Variants in SEC31A observed in about 807,000 individuals in gnomAD.
The protein encoded by SEC31A is SEC31 homolog A, COPII component, also known as protein transport protein Sec31A.
Under a neutral mutation model 151.0 loss-of-function variants are expected in SEC31A, and 70 were observed. That is an observed-to-expected ratio of 0.46 (90% CI 0.38 to 0.57). The LOEUF is 0.57. Among genes scored for constraint, SEC31A ranks in the 20% least tolerant of loss-of-function variants. The pLI, the probability that SEC31A is intolerant of heterozygous loss-of-function variation, is 0.00. For missense variants in SEC31A, 1,330 were observed against 1,471.2 expected (o/e 0.90, Z 1.57); for synonymous variants, 475 against 505.9 (o/e 0.94, Z 0.82).
At chr4:82,870,122 T>C (rs1736318904) in intron 8 of SEC31A, among the ~76,000 whole-genome samples, 1 of 152,224 alleles carries the variant, frequency 6.6e-6, no homozygotes, top group African/African-American at 2.4e-5. Context: ...AAATATACTA[T>C]TTGAATTACT....
intron 24 of SEC31A, 29 bp from the exon 25 acceptor site, chr4:82,824,703 G>GA (rs1560580255): frequency 6.2e-7 from 1 of 1,606,030 alleles, no homozygotes; most frequent in Non-Finnish European, 8.5e-7. Flanking sequence ...AAACTGATCA[G>GA]AAATGACCAG....
intron 23 of SEC31A, 24 bp downstream of exon 23, chr4:82,828,976 T>C: frequency 6.2e-7 from 1 of 1,603,268 alleles, no homozygotes; most frequent in Non-Finnish European, 8.5e-7. Context: ...TGTAGGCCAT[T>C]GGATGGACAT....
chr4:82,897,646 G>C (rs1483094000), intron 3 of SEC31A: 1 of 152,132 alleles, frequency 6.6e-6, no homozygotes, highest in African/African-American at 2.4e-5. Flanking sequence ...AGCTGAGGTG[G>C]GAAGATTGCT....
chr4:82,849,629 A>AC (rs1216488911), intron 19 of SEC31A, among the ~76,000 whole-genome samples: 2 of 151,344 alleles, frequency 1.3e-5, no homozygotes, highest in Non-Finnish European at 2.9e-5. Context: ...AAAAAAAAAA[A>AC]AACTATAACT....
At chr4:82,860,807 C>T (rs1013368447) in intron 14 of SEC31A, among the ~76,000 whole-genome samples, 1 of 152,034 alleles carries the variant, frequency 6.6e-6, no homozygotes, top group African/African-American at 2.4e-5. Flanking sequence ...AGATTTTATC[C>T]ATATCCTTTA....
At chr4:82,898,415 G>A (rs527429105) in intron 3 of SEC31A, among the ~76,000 whole-genome samples, 13 of 152,256 alleles carry the variant, frequency 8.5e-5, no homozygotes, top group African/African-American at 3.1e-4. Flanking sequence ...TAAATATCTA[G>A]AGCAGTGACC....
chr4:82,823,367 C>T (rs1252367019), intron 25 of SEC31A, among the ~76,000 whole-genome samples: 2 of 152,184 alleles, frequency 1.3e-5, no homozygotes, highest in Admixed American at 6.5e-5. Context: ...TTATCAGCTT[C>T]GTCTGCTCTC....
At chr4:82,875,242 A>T (rs1737641301) in intron 5 of SEC31A, among the ~76,000 whole-genome samples, 1 of 152,192 alleles carries the variant, frequency 6.6e-6, no homozygotes, top group Non-Finnish European at 1.5e-5. Flanking sequence ...TAGCCTATAC[A>T]ACATAAAGAA....
Position 82,827,532 on chromosome 4 carries a change from G to A in SEC31A, c.3128C>T (p.Pro1043Leu), listed in dbSNP as rs1724878311. The change falls in exon 24 of 27, where the codon CCA becomes CTA. Residue 1043 changes from proline (P) to leucine (L), a missense_variant. Coordinates refer to ENST00000395310, the MANE Select transcript of SEC31A (RefSeq NM_001077207.4). The stretch of plus-strand genomic sequence containing the variant: ...TGAAGACTGGCTTGACAGTGGTACT[G>A]GAGCTGAAGGCTGTTGCTGCAGCAT... ...SQMLQQQPSAPVPLSSQSSFP... is the reference protein window; with the variant it reads ...SQMLQQQPSALVPLSSQSSFP... 1.9e-6 allele frequency: 3 copies of A among 1,614,224 alleles called. No homozygotes were observed. Among genetic ancestry groups the A allele is most frequent in the Non-Finnish European group, 2.5e-6 (3 of 1,180,042 alleles).
chr4:82,874,474 C>T, intron 6 of SEC31A, 137 bp downstream of exon 6: 1 of 787,662 alleles, frequency 1.3e-6, no homozygotes, highest in Non-Finnish European at 1.9e-6. Flanking sequence ...CAAAACATTC[C>T]TTCTAACATG....
At position 82,844,424 on chromosome 4, in the gene SEC31A, T is replaced by G. The variant is rs200331797; in HGVS notation, c.2588A>C (p.His863Pro). 9 of 1,614,072 alleles carry G rather than the reference T, an allele frequency of 5.6e-6. No individual in the cohort carries two copies. In the South Asian group the frequency reaches 9.9e-5, roughly 18 times the overall value. ...ATAAGGTGGTACCTGGGTGTGCATA[T>G]GACCTGGAGATGTGGGAAGCTGACC... ...AAGQLPTSPG[H>P]MHTQVPPYPQ... Residue 863 changes from histidine (H) to proline (P), a missense_variant, in exon 21 of 27, where the codon CAT becomes CCT. Transcript: ENST00000395310.
intron 1 of SEC31A, among the ~76,000 whole-genome samples, chr4:82,886,626 C>T (rs1740774231): frequency 6.6e-6 from 1 of 152,116 alleles, no homozygotes; most frequent in Non-Finnish European, 1.5e-5. Context: ...CCTCTTCTTC[C>T]TCTTTGCCAA....
chr4:82,858,683 A>G (rs940282560), intron 14 of SEC31A, among the ~76,000 whole-genome samples: 4 of 149,694 alleles, frequency 2.7e-5, no homozygotes, highest in Non-Finnish European at 4.4e-5. Flanking sequence ...TATGGAAAAT[A>G]TATTATTTAT....
intron 14 of SEC31A, 57 bp from the exon 15 acceptor site, chr4:82,857,821 T>G: frequency 9.0e-7 from 1 of 1,116,864 alleles, no homozygotes. Flanking sequence ...AATGATTTAC[T>G]GACAAAAAAA....
At chr4:82,899,889 C>T (rs572277388) in intron 2 of SEC31A, 7 of 152,694 alleles carry the variant, frequency 4.6e-5, no homozygotes, top group African/African-American at 1.7e-4. Context: ...GAGACAAAAA[C>T]CCACTGGCCC....
Position 82,864,446 on chromosome 4 carries a change from C to A in SEC31A, c.1350G>T (p.Gln450His). The A allele has an allele frequency of 6.2e-7, 1 of 1,614,120 alleles. No homozygotes were observed. The highest frequency in any genetic ancestry group is 8.5e-7 in the Non-Finnish European group (1 of 1,180,022). The change falls in exon 11 of 27, where the codon CAG (glutamine) becomes CAT (histidine). Residue 450 changes from glutamine (Q) to histidine (H), a missense_variant. Gln to His is a conservative substitution (Grantham distance 24, BLOSUM62 0). Coordinates refer to ENST00000395310, the MANE Select transcript of SEC31A (RefSeq NM_001077207.4). ...GGCAATAATTGATAAATCCTTGTGA[C>A]TGCACAGCCTGCTGAAGTTGGTCTG... is the stretch of plus-strand genomic sequence containing the variant. ...SRSDQLQQAV[Q>H]SQGFINYCQK...
chr4:82,878,877 G>A lies in SEC31A; in HGVS notation c.255C>T (p.Val85=), dbSNP rs1274504885. 4 of 1,613,974 alleles carry A rather than the reference G, an allele frequency of 2.5e-6. No homozygotes were observed. The highest frequency in any genetic ancestry group is 3.4e-6 in the Non-Finnish European group (4 of 1,179,904). The change falls in exon 4 of 27, where the codon GTC becomes GTT. Residue 85 remains valine (V), a synonymous_variant. Coordinates refer to ENST00000395310, the MANE Select transcript of SEC31A (RefSeq NM_001077207.4). ...CACCACCTGCAATCAGAACTCCAGAGACATCTCCTTTGGAATCCATTTTAT... is the reference window on the plus strand; with the variant it reads ...CACCACCTGCAATCAGAACTCCAGAAACATCTCCTTTGGAATCCATTTTAT... ...GPYKMDSKGD[V]SGVLIAGGEN... is the part of the protein sequence containing the mutation.
At chr4:82,857,812 A>G (rs778454040) in intron 14 of SEC31A, 48 bp from the exon 15 acceptor site, 1 of 1,219,974 alleles carries the variant, frequency 8.2e-7, no homozygotes, top group Non-Finnish European at 1.2e-6. Flanking sequence ...AAACTGTGGA[A>G]TGATTTACTG....
At position 82,821,617 on chromosome 4, in the gene SEC31A, G is replaced by A. The variant is rs1366057837; in HGVS notation, c.3412-509C>T. On this transcript the variant is annotated intron_variant, in intron 25 of 26. Transcript: ENST00000395310. ...AACAGAGATCAATCATCTATCAAGG[G>A]TGGAGGGTGGAGGGGACTGGGATGA... is the stretch of plus-strand genomic sequence containing the variant. Among the ~76,000 whole-genome samples, 3 of 150,184 alleles carry A rather than the reference G, an allele frequency of 2.0e-5. No individual in the cohort carries two copies. The East Asian group carries it at 5.9e-4, about 29-fold the overall frequency.
Sources: allele counts gnomAD v4.1 joint callset (sites outside exome capture counted in the v4.1 genomes callset), GRCh38; gene constraint gnomAD v4.1.1; transcripts MANE v1.5; gene names NCBI Gene and HGNC (gene_info 2026-07-23, HGNC 2026-07-21).